ITGB5: variants seen among roughly 807,000 people sequenced by gnomAD.
ITGB5 encodes the protein integrin beta-5.
ITGB5 carries 38 observed loss-of-function variants against 84.8 expected under a neutral mutation model. The ratio of observed to expected loss-of-function variants is 0.45; its 90% CI spans 0.35 to 0.59. The LOEUF is 0.59. Among genes scored for constraint, ITGB5 ranks in the 20% least tolerant of loss-of-function variants. ITGB5 has a pLI of 0.01. For missense variants in ITGB5, 905 were observed against 1,034.5 expected (o/e 0.87, Z 1.72); for synonymous variants, 393 against 414.4 (o/e 0.95, Z 0.63).
intron 9 of ITGB5, among the ~76,000 whole-genome samples, chr3:124,804,839 G>T (rs2064370401): frequency 6.6e-6 from 1 of 152,066 alleles, no homozygotes; most frequent in African/African-American, 2.4e-5. Context: ...GCTAATTTTT[G>T]TATTTTTAGT....
At chr3:124,794,797 CAAGA>C (rs57126302) in intron 10 of ITGB5, among the ~76,000 whole-genome samples, 17 of 136,480 alleles carry the variant, frequency 1.2e-4, no homozygotes, top group Admixed American at 5.0e-4. Context: ...AAAAAAGAAA[CAAGA>C]AAGAAAGAGA....
At chr3:124,894,476 TTTTTTCACATCGGATA>T (rs1935063526) in intron 1 of ITGB5, 3 of 152,166 alleles carry the variant, frequency 2.0e-5, no homozygotes, top group Admixed American at 2.0e-4. Flanking sequence ...TTTATTTTAT[TTTTTTCACATCGGATA>T]TTGCTTATGT....
chr3:124,776,495 C>T (rs1039145418), intron 10 of ITGB5, among the ~76,000 whole-genome samples: 1 of 152,228 alleles, frequency 6.6e-6, no homozygotes, highest in Non-Finnish European at 1.5e-5. Context: ...AGTGCACATA[C>T]ATATCCTCCC....
At chr3:124,775,151 C>A (rs902986132) in intron 10 of ITGB5, among the ~76,000 whole-genome samples, 2 of 152,202 alleles carry the variant, frequency 1.3e-5, no homozygotes, top group Non-Finnish European at 2.9e-5. Flanking sequence ...GCTGCCCCCA[C>A]TCAGCAGGTG....
intron 1 of ITGB5, among the ~76,000 whole-genome samples, chr3:124,877,046 C>G (rs1051003334): frequency 6.6e-6 from 1 of 151,836 alleles, no homozygotes; most frequent in African/African-American, 2.4e-5. Flanking sequence ...TCATAACTCA[C>G]TGTAGCCTCA....
intron 5 of ITGB5, among the ~76,000 whole-genome samples, chr3:124,825,739 T>C: frequency 6.6e-6 from 1 of 152,180 alleles, no homozygotes; most frequent in East Asian, 1.9e-4. Flanking sequence ...GTGATGGAAA[T>C]AATCCATATC....
At position 124,764,577 on chromosome 3, in the gene ITGB5, G is replaced by A. The variant is rs1267944719; in HGVS notation, c.2138-20C>T. On this transcript the variant is annotated intron_variant, in intron 13 of 14. Transcript: ENST00000296181. The stretch of plus-strand genomic sequence containing the variant: ...CACACTCTGGGGGGACCAGAAGCAT[G>A]GTAAGCAAAGCCACTAGCATCACCA... 1 of 1,590,754 alleles carries A rather than the reference G, an allele frequency of 6.3e-7. No individual in the cohort carries two copies. The highest frequency in any genetic ancestry group is 8.6e-7 in the Non-Finnish European group (1 of 1,161,706).
intron 1 of ITGB5, among the ~76,000 whole-genome samples, chr3:124,884,013 G>T (rs1934692824): frequency 6.6e-6 from 1 of 152,140 alleles, no homozygotes; most frequent in Non-Finnish European, 1.5e-5. Context: ...AGATGAAAGT[G>T]GGGTTAGAGC....
intron 10 of ITGB5, among the ~76,000 whole-genome samples, chr3:124,783,838 A>G (rs1179023775): frequency 1.3e-5 from 2 of 152,200 alleles, no homozygotes; most frequent in African/African-American, 4.8e-5. Flanking sequence ...GGGTTTCTCC[A>G]GCAAAAAGCT....
chr3:124,848,697 G>A, intron 3 of ITGB5, 139 bp from the exon 4 acceptor site: 1 of 885,580 alleles, frequency 1.1e-6, no homozygotes, highest in Middle Eastern at 3.5e-4. Context: ...TTTCTTGGAA[G>A]TAAAGTGCCT....
intron 5 of ITGB5, among the ~76,000 whole-genome samples, chr3:124,822,068 T>C (rs2064715491): frequency 6.7e-6 from 1 of 149,796 alleles, no homozygotes; most frequent in South Asian, 2.2e-4. Flanking sequence ...ACATTGGTAG[T>C]TAAAGTCAAT....
At chr3:124,835,062 G>A (rs1170439976) in intron 5 of ITGB5, among the ~76,000 whole-genome samples, 1 of 152,228 alleles carries the variant, frequency 6.6e-6, no homozygotes, top group African/African-American at 2.4e-5. Flanking sequence ...GCCTTGGTCA[G>A]TGAAGGGAGC....
At chr3:124,832,016 C>CT (rs1005880012) in intron 5 of ITGB5, among the ~76,000 whole-genome samples, 1 of 152,212 alleles carries the variant, frequency 6.6e-6, no homozygotes, top group African/African-American at 2.4e-5. Flanking sequence ...GCATGCTAAC[C>CT]TTGGGACAGT....
At chr3:124,818,132 A>C (rs2064635658) in intron 7 of ITGB5, among the ~76,000 whole-genome samples, 2 of 152,132 alleles carry the variant, frequency 1.3e-5, no homozygotes, top group African/African-American at 4.8e-5. Flanking sequence ...AGAAGGCGTG[A>C]AAAGGGCAAC....
intron 3 of ITGB5, among the ~76,000 whole-genome samples, chr3:124,849,272 CG>C (rs2065120343): frequency 1.3e-5 from 2 of 152,170 alleles, no homozygotes; most frequent in South Asian, 2.1e-4. Flanking sequence ...TGGGAATGTG[CG>C]TTTGAAACAA....
Position 124,855,871 on chromosome 3 carries a change from TC to T in ITGB5, c.361+3370del, listed in dbSNP as rs1489971741. On this transcript the variant is annotated intron_variant, in intron 3 of 14. Transcript: ENST00000296181. ...TAACTATACCAAATAAGAATGATTT[TC>T]TTCCTTAACTGAGCATATATTGAGT... Among the ~76,000 whole-genome samples the T allele has an allele frequency of 1.2e-4, 19 of 152,356 alleles. No individual in the cohort carries two copies. In the East Asian group the frequency reaches 3.1e-3, roughly 25 times the overall value.
At chr3:124,785,989 C>G (rs1028124021) in intron 10 of ITGB5, among the ~76,000 whole-genome samples, 1 of 152,194 alleles carries the variant, frequency 6.6e-6, no homozygotes, top group African/African-American at 2.4e-5. Context: ...GTGCAAGGTT[C>G]TCCCTGTCTG....
upstream of ITGB5, chr3:124,887,904 C>A: frequency 4.1e-6 from 1 of 244,702 alleles, no homozygotes; most frequent in Non-Finnish European, 8.4e-6. Flanking sequence ...GTAAAACCTA[C>A]ATTTCTTTTT....
rs367812483 is a variant in ITGB5, at chr3:124,796,650, G to A, written c.1431C>T (p.Asn477=). 149 of 1,613,988 alleles carry A rather than the reference G, an allele frequency of 9.2e-5. 2 individuals are homozygous for A. The Admixed American group carries it at 1.4e-3, about 16-fold the overall frequency. Residue 477 remains asparagine, a synonymous_variant, in exon 10 of 15, where the codon AAC becomes AAT. Transcript: ENST00000296181. The part of the protein sequence containing the change: ...VGLEPNSARC[N]GSGTYVCGLC... The stretch of plus-strand genomic sequence containing the variant: ...GGCCGCAGACATAGGTCCCGCTCCC[G>A]TTGCACCTGGCGCTGTTGGGTTCCA...
Sources: allele counts gnomAD v4.1 joint callset (sites outside exome capture counted in the v4.1 genomes callset), GRCh38; gene constraint gnomAD v4.1.1; transcripts MANE v1.5; gene names NCBI Gene and HGNC (gene_info 2026-07-23, HGNC 2026-07-21).